ZBTB16: variants seen among roughly 807,000 people sequenced by gnomAD.
The protein encoded by ZBTB16 is zinc finger and BTB domain containing 16, also known as zinc finger and BTB domain-containing protein 16.
In ZBTB16, 8 loss-of-function variants were observed where a neutral mutation model predicts 56.8. That is an observed-to-expected ratio of 0.14 (90% CI 0.08 to 0.25). The LOEUF (loss-of-function observed/expected upper bound fraction) is 0.25. Among genes scored for constraint, ZBTB16 ranks in the 10% least tolerant of loss-of-function variants. ZBTB16 has a pLI of 1.00. For synonymous variants in ZBTB16, 363 were observed against 368.5 expected (o/e 0.98, Z 0.17); for missense variants, 625 against 903.0 (o/e 0.69, Z 3.95).
At chr11:114,235,636 T>TTCTC (rs1168355095) in intron 4 of ZBTB16, among the ~76,000 whole-genome samples, 1 of 20,792 alleles carries the variant, frequency 4.8e-5, no homozygotes, top group East Asian at 2.5e-3. Context: ...CTTCCTTTCT[T>TTCTC]TCTTTCTTTC....
intron 4 of ZBTB16, among the ~76,000 whole-genome samples, chr11:114,218,617 C>T (rs1394854339): frequency 6.6e-6 from 1 of 152,158 alleles, no homozygotes. Context: ...CAAGATCAGA[C>T]CTTTCTAAAT....
At chr11:114,209,371 G>A in intron 4 of ZBTB16, 1 of 985,288 alleles carries the variant, frequency 1.0e-6, no homozygotes, top group Non-Finnish European at 1.2e-6. Flanking sequence ...TGTTTTTCAG[G>A]TTAATGGTGT....
intron 4 of ZBTB16, among the ~76,000 whole-genome samples, chr11:114,199,723 A>G (rs904600430): frequency 2.0e-5 from 3 of 152,230 alleles, no homozygotes; most frequent in Non-Finnish European, 4.4e-5. Context: ...TTCCAAGGAC[A>G]GCCTAAGATT....
chr11:114,237,499 C>T (rs985905794), intron 4 of ZBTB16, among the ~76,000 whole-genome samples: 2 of 152,218 alleles, frequency 1.3e-5, no homozygotes, highest in Non-Finnish European at 2.9e-5. Context: ...GGACGGAACC[C>T]AGGCGTTGAA....
chr11:114,197,043 C>G lies in ZBTB16; in HGVS notation c.1453+10005C>G, dbSNP rs563046626. Among the ~76,000 whole-genome samples the G allele has an allele frequency of 2.6e-5, 4 of 152,124 alleles. No individual in the cohort carries two copies. In the East Asian group the frequency reaches 7.7e-4, roughly 29 times the overall value. ...TGTGCGGATCAATGGATCAAAGCCC[C>G]TATTTGAAAAAGGGGGTCAGTTAAG... On this transcript the variant is annotated intron_variant, in intron 4 of 6. Transcript: ENST00000335953.
At chr11:114,156,307 C>T in intron 2 of ZBTB16, 30 bp from the exon 3 acceptor site, 1 of 1,611,564 alleles carries the variant, frequency 6.2e-7, no homozygotes, top group Non-Finnish European at 8.5e-7. Flanking sequence ...GCCAGAGCAG[C>T]AGCAACCTCT....
At chr11:114,135,901 T>C (rs1285585133) in intron 2 of ZBTB16, among the ~76,000 whole-genome samples, 2 of 152,212 alleles carry the variant, frequency 1.3e-5, no homozygotes, top group East Asian at 1.9e-4. Flanking sequence ...TGGACTCTTA[T>C]TCAGCCTAGC....
At chr11:114,191,829 A>T (rs1943500780) in intron 4 of ZBTB16, among the ~76,000 whole-genome samples, 1 of 152,212 alleles carries the variant, frequency 6.6e-6, no homozygotes, top group Non-Finnish European at 1.5e-5. Context: ...TAATACATAT[A>T]CACACACAGA....
At chr11:114,088,673 G>T (rs1591653526) in intron 2 of ZBTB16, among the ~76,000 whole-genome samples, 1 of 152,314 alleles carries the variant, frequency 6.6e-6, no homozygotes, top group East Asian at 1.9e-4. Flanking sequence ...TGAGCTTTTT[G>T]AATATCTGCA....
chr11:114,254,769 C>T lies in ZBTB16; in HGVS notation c.*4214C>T, dbSNP rs1164823266. ...GCTTGGCTGTAATGGTGGCACTTACCTGGATATTTCAGTGGGAGGATGAAA... is the reference window on the plus strand; with the variant it reads ...GCTTGGCTGTAATGGTGGCACTTACTTGGATATTTCAGTGGGAGGATGAAA... On this transcript the variant is annotated 3_prime_UTR_variant, in exon 7 of 7. Transcript: ENST00000335953. 6.6e-6 allele frequency among the ~76,000 whole-genome samples: 1 copy of T among 152,134 alleles called. No homozygotes were observed. The highest frequency in any genetic ancestry group is 1.5e-5 in the Non-Finnish European group (1 of 68,034).
At chr11:114,232,046 G>C (rs779819561) in intron 4 of ZBTB16, among the ~76,000 whole-genome samples, 10 of 152,132 alleles carry the variant, frequency 6.6e-5, no homozygotes, top group Non-Finnish European at 1.2e-4. Context: ...AAAAAGCCAC[G>C]TGAGGGCAAG....
At chr11:114,206,153 T>C (rs924769084) in intron 4 of ZBTB16, among the ~76,000 whole-genome samples, 3 of 152,182 alleles carry the variant, frequency 2.0e-5, no homozygotes, top group Non-Finnish European at 2.9e-5. Context: ...CTTTCAAAAG[T>C]AGAGTCTGGA....
intron 2 of ZBTB16, among the ~76,000 whole-genome samples, chr11:114,124,538 A>T (rs7122493): frequency 0.075 from 10,564 of 140,760 alleles, 623 homozygotes; most frequent in African/African-American, 0.21. Context: ...AGAGGCAAAA[A>T]CAAAACAAAA....
rs1945011652 is a variant in ZBTB16, at chr11:114,256,200, T to C, written c.*5645T>C. Among the ~76,000 whole-genome samples, 1 of 152,248 alleles carries C rather than the reference T, an allele frequency of 6.6e-6. No homozygotes were observed. The highest frequency in any genetic ancestry group is 2.1e-4 in the South Asian group (1 of 4,836). ...GATGCACTGAATAACATTTTTCTAATACTTTTTAGTTAAAAAATGTTAAAT... is the reference window on the plus strand; with the variant it reads ...GATGCACTGAATAACATTTTTCTAACACTTTTTAGTTAAAAAATGTTAAAT... On this transcript the variant is annotated 3_prime_UTR_variant, in exon 7 of 7. Coordinates refer to ENST00000335953, the MANE Select transcript of ZBTB16 (RefSeq NM_006006.6).
At chr11:114,087,383 A>G (rs1425056831) in intron 2 of ZBTB16, among the ~76,000 whole-genome samples, 2 of 151,630 alleles carry the variant, frequency 1.3e-5, no homozygotes, top group African/African-American at 4.8e-5. Context: ...CAGTAGCCTC[A>G]CGGGCACACC....
At chr11:114,247,480 A>C (rs1036743692) in intron 6 of ZBTB16, 115 bp downstream of exon 6, 1 of 1,450,868 alleles carries the variant, frequency 6.9e-7, no homozygotes, top group Non-Finnish European at 9.5e-7. Context: ...ATCAAAGAGT[A>C]GAAGAGGTTC....
chr11:114,104,244 T>G (rs1051084346), intron 2 of ZBTB16, among the ~76,000 whole-genome samples: 1 of 152,176 alleles, frequency 6.6e-6, no homozygotes, highest in African/African-American at 2.4e-5. Flanking sequence ...ATTGCTACTT[T>G]GAAGGCAGAA....
Position 114,254,182 on chromosome 11 carries a change from G to GATAT in ZBTB16, c.*3639_*3642dup, listed in dbSNP as rs144303191. Among the ~76,000 whole-genome samples, 1 of 149,532 alleles carries GATAT rather than the reference G, an allele frequency of 6.7e-6. No homozygotes were observed. Among genetic ancestry groups the GATAT allele is most frequent in the African/African-American group, 2.5e-5 (1 of 40,738 alleles). On this transcript the variant is annotated 3_prime_UTR_variant, in exon 7 of 7. Coordinates refer to ENST00000335953, the MANE Select transcript of ZBTB16 (RefSeq NM_006006.6). The stretch of plus-strand genomic sequence containing the variant: ...GGATAGACAAATATATAGATATATA[G>GATAT]ATATATATATATATAGCAAGAGATT...
chr11:114,078,691 G>A lies in ZBTB16; in HGVS notation c.1268+14123G>A, dbSNP rs529473047. Among the ~76,000 whole-genome samples the A allele has an allele frequency of 4.6e-5, 7 of 152,158 alleles. No individual in the cohort carries two copies. In the East Asian group the frequency reaches 1.4e-3, roughly 29 times the overall value. ...CTAAAGATAGTGAAATACAGCCCAGGAATTGAGGGGGAGGGGGTTCCTCAC... is the reference window on the plus strand; with the variant it reads ...CTAAAGATAGTGAAATACAGCCCAGAAATTGAGGGGGAGGGGGTTCCTCAC... On this transcript the variant is annotated intron_variant, in intron 2 of 6. Transcript: ENST00000335953.
Sources: allele counts gnomAD v4.1 joint callset (sites outside exome capture counted in the v4.1 genomes callset), GRCh38; gene constraint gnomAD v4.1.1; transcripts MANE v1.5; gene names NCBI Gene and HGNC (gene_info 2026-07-23, HGNC 2026-07-21).